Variants in GRIK4 observed in about 807,000 individuals in gnomAD.
The protein encoded by GRIK4 is glutamate ionotropic receptor kainate type subunit 4.
Under a neutral mutation model 104.9 loss-of-function variants are expected in GRIK4, and 40 were observed. The observed-to-expected ratio is 0.38, with a 90% CI of 0.30 to 0.50. The LOEUF (loss-of-function observed/expected upper bound fraction) is 0.50. Ranked by LOEUF, GRIK4 falls within the 20% of genes least tolerant of loss-of-function variation. GRIK4 has a pLI of 0.93. For missense variants in GRIK4, 1,047 were observed against 1,308.1 expected (o/e 0.80, Z 3.08); for synonymous variants, 485 against 524.9 (o/e 0.92, Z 1.04).
intron 1 of GRIK4, among the ~76,000 whole-genome samples, chr11:120,573,312 A>G (rs910093276): frequency 2.6e-5 from 4 of 152,210 alleles, no homozygotes; most frequent in African/African-American, 9.6e-5. Flanking sequence ...CTTGAACATG[A>G]TGCTAAAGAT....
chr11:120,821,337 A>G (rs1953122379), intron 6 of GRIK4, among the ~76,000 whole-genome samples: 1 of 152,224 alleles, frequency 6.6e-6, no homozygotes, highest in African/African-American at 2.4e-5. Context: ...GGAGGGAAAG[A>G]GATAGGTCAT....
At chr11:120,543,278 CAAAA>C (rs755815974) in intron 1 of GRIK4, among the ~76,000 whole-genome samples, 129 of 151,972 alleles carry the variant, frequency 8.5e-4, no homozygotes, top group Non-Finnish European at 1.5e-3. Flanking sequence ...ACAACAAAAA[CAAAA>C]ACAAAAAAAC....
chr11:120,960,583 A>C (rs1189973836), intron 16 of GRIK4, among the ~76,000 whole-genome samples: 1 of 152,212 alleles, frequency 6.6e-6, no homozygotes, highest in African/African-American at 2.4e-5. Context: ...TGGCACCCGC[A>C]GCTCATTCAC....
At chr11:120,810,969 A>C (rs1301862291) in intron 4 of GRIK4, among the ~76,000 whole-genome samples, 1 of 152,214 alleles carries the variant, frequency 6.6e-6, no homozygotes, top group Non-Finnish European at 1.5e-5. Flanking sequence ...GGTTAGAGAA[A>C]AGAATGATGT....
In GRIK4 at chr11:120,988,700, C is replaced by T. The variant is rs1466274405; in HGVS notation, c.*2440C>T. ...TTGGTTGTTGGCTTTCTTTTCCATTCTGTATTTTCTATCTGACTCTGTATA... is the reference window on the plus strand; with the variant it reads ...TTGGTTGTTGGCTTTCTTTTCCATTTTGTATTTTCTATCTGACTCTGTATA... On this transcript the variant is annotated 3_prime_UTR_variant, in exon 21 of 21. Transcript: ENST00000527524. 6.6e-6 allele frequency: 1 copy of T among 152,124 alleles called. No homozygotes were observed. Among genetic ancestry groups the T allele is most frequent in the Admixed American group, 6.5e-5 (1 of 15,274 alleles). 9.4% of individuals were successfully genotyped at this position (152,124 alleles called of 1,614,324 possible). A position where few individuals can be genotyped will look rare whatever the true frequency, so the allele number is the denominator to read the frequency against.
rs535427991 is a variant in GRIK4 at position 120,987,559 on chromosome 11, T to A, written c.*1299T>A. 1 of 152,256 alleles carries A rather than the reference T, an allele frequency of 6.6e-6. No individual in the cohort carries two copies. 9.4% of individuals were successfully genotyped at this position (152,256 alleles called of 1,614,324 possible). ...GAGAGAGGTGGAGTCTCCTAGTCAA[T>A]ACACGGGCCTGGGAACCAGGAACTC... On this transcript the variant is annotated 3_prime_UTR_variant, in exon 21 of 21. Transcript: ENST00000527524.
At chr11:120,734,684 C>G (rs965647495) in intron 3 of GRIK4, among the ~76,000 whole-genome samples, 4 of 152,130 alleles carry the variant, frequency 2.6e-5, no homozygotes, top group African/African-American at 9.7e-5. Flanking sequence ...CAGGTTTGCC[C>G]TTTTGAAGCT....
intron 9 of GRIK4, chr11:120,872,237 G>A (rs1171285074): frequency 1.2e-4 from 35 of 302,030 alleles, no homozygotes; most frequent in South Asian, 1.1e-3. Flanking sequence ...TTGCTCACTT[G>A]GAGGGATTCA....
intron 1 of GRIK4, chr11:120,564,756 G>C (rs1948291011): frequency 6.6e-6 from 1 of 152,352 alleles, no homozygotes; most frequent in Admixed American, 6.5e-5. Flanking sequence ...GGAGCGCGCG[G>C]AGGTGGCTGC....
At chr11:120,912,912 GT>G (rs901856596) in intron 13 of GRIK4, among the ~76,000 whole-genome samples, 4 of 152,168 alleles carry the variant, frequency 2.6e-5, no homozygotes, top group Non-Finnish European at 5.9e-5. Flanking sequence ...GGGTTTTGGA[GT>G]TTTTGTCGAG....
At chr11:120,528,005 T>G (rs1947877735) in intron 1 of GRIK4, among the ~76,000 whole-genome samples, 1 of 152,234 alleles carries the variant, frequency 6.6e-6, no homozygotes, top group South Asian at 2.1e-4. Context: ...AGACAGGGTC[T>G]CACTCTATTG....
At chr11:120,593,720 A>G (rs539447776) in intron 1 of GRIK4, among the ~76,000 whole-genome samples, 2 of 152,122 alleles carry the variant, frequency 1.3e-5, no homozygotes, top group South Asian at 4.2e-4. Context: ...CTATCTATCT[A>G]CTTGACTTTT....
chr11:120,632,507 C>G (rs79229131), intron 1 of GRIK4, among the ~76,000 whole-genome samples: 1,522 of 152,142 alleles, frequency 0.01, 29 homozygotes, highest in African/African-American at 0.035. Flanking sequence ...ACTTAGAACC[C>G]GAGGGTCTCA....
At chr11:120,948,500 G>A (rs376747084) in intron 14 of GRIK4, among the ~76,000 whole-genome samples, 2 of 152,290 alleles carry the variant, frequency 1.3e-5, no homozygotes, top group East Asian at 3.9e-4. Flanking sequence ...CTAAAGGTTG[G>A]AATCACTGGC....
At chr11:120,557,068 G>C (rs1948194979) in intron 1 of GRIK4, among the ~76,000 whole-genome samples, 1 of 152,124 alleles carries the variant, frequency 6.6e-6, no homozygotes, top group Non-Finnish European at 1.5e-5. Context: ...AACCTGGCCT[G>C]ACTGAGGCTT....
intron 6 of GRIK4, among the ~76,000 whole-genome samples, chr11:120,820,765 C>A (rs1953102506): frequency 6.6e-6 from 1 of 152,216 alleles, no homozygotes; most frequent in African/African-American, 2.4e-5. Context: ...CTTCTCAGAA[C>A]TGCTCTGCCT....
chr11:120,922,875 CTG>C (rs1180989737), intron 13 of GRIK4, among the ~76,000 whole-genome samples: 1 of 152,212 alleles, frequency 6.6e-6, no homozygotes, highest in African/African-American at 2.4e-5. Flanking sequence ...CTGGCCCTAG[CTG>C]TGTCTGCATT....
intron 3 of GRIK4, among the ~76,000 whole-genome samples, chr11:120,712,365 G>C (rs1200184168): frequency 6.6e-6 from 1 of 152,204 alleles, no homozygotes; most frequent in African/African-American, 2.4e-5. Flanking sequence ...GGCCTAGGAA[G>C]GACCTTAGCC....
intron 14 of GRIK4, among the ~76,000 whole-genome samples, chr11:120,946,637 C>G (rs1240442231): frequency 6.6e-6 from 1 of 152,178 alleles, no homozygotes; most frequent in Non-Finnish European, 1.5e-5. Context: ...TATACAGTCT[C>G]TGGTTTAACG....
Sources: gnomAD v4.1 joint callset for allele counts (sites outside exome capture counted in the v4.1 genomes callset) on GRCh38, gnomAD v4.1.1 for gene constraint, MANE v1.5 for transcripts, NCBI Gene and HGNC (gene_info 2026-07-23, HGNC 2026-07-21) for gene names.